SLC39A11: variants seen among roughly 807,000 people sequenced by gnomAD.
The protein encoded by SLC39A11 is solute carrier family 39 member 11.
Under a neutral mutation model 36.1 loss-of-function variants are expected in SLC39A11, and 33 were observed. The observed-to-expected ratio is 0.91, with a 90% confidence interval of 0.69 to 1.22. The LOEUF (loss-of-function observed/expected upper bound fraction) is 1.22. SLC39A11 is among the 50% of genes most tolerant of loss of function. The probability of loss-of-function intolerance (pLI) is 0.00; values close to 1 mark genes in which losing one functional copy is unlikely to be tolerated. For missense variants in SLC39A11, 432 were observed against 430.3 expected (o/e 1.00, Z -0.03); for synonymous variants, 166 against 170.3 (o/e 0.97, Z 0.20).
At chr17:72,929,511 C>A (rs2084255998) in intron 5 of SLC39A11, among the ~76,000 whole-genome samples, 1 of 152,010 alleles carries the variant, frequency 6.6e-6, no homozygotes, top group Non-Finnish European at 1.5e-5. Flanking sequence ...AGTGAGCAGC[C>A]ACTTCACGGA....
At chr17:73,029,123 C>CA (rs915942021) in intron 4 of SLC39A11, among the ~76,000 whole-genome samples, 2 of 148,892 alleles carry the variant, frequency 1.3e-5, no homozygotes, top group Admixed American at 6.7e-5. Context: ...GTCACACACA[C>CA]ACAAAAAAAA....
intron 7 of SLC39A11, among the ~76,000 whole-genome samples, chr17:72,667,287 T>C (rs1306750011): frequency 1.3e-5 from 2 of 152,154 alleles, no homozygotes; most frequent in African/African-American, 4.8e-5. Flanking sequence ...GAGGTGAGAC[T>C]CCTGCTGTTA....
At chr17:72,739,201 C>T (rs1249975296) in intron 6 of SLC39A11, among the ~76,000 whole-genome samples, 1 of 151,490 alleles carries the variant, frequency 6.6e-6, no homozygotes, top group African/African-American at 2.4e-5. Flanking sequence ...GATCTCGGCT[C>T]ACTGCAACCC....
At chr17:72,820,258 T>C (rs146554191) in intron 6 of SLC39A11, among the ~76,000 whole-genome samples, 88 of 151,406 alleles carry the variant, frequency 5.8e-4, no homozygotes, top group African/African-American at 2.0e-3. Context: ...CCCCTCTGGA[T>C]GTTGAAACTG....
At chr17:72,762,349 A>G (rs2075616210) in intron 6 of SLC39A11, among the ~76,000 whole-genome samples, 1 of 152,236 alleles carries the variant, frequency 6.6e-6, no homozygotes, top group African/African-American at 2.4e-5. Context: ...ATTATAATGC[A>G]TTAGCATGCT....
At chr17:72,705,321 T>C (rs570745591) in intron 7 of SLC39A11, among the ~76,000 whole-genome samples, 1 of 152,236 alleles carries the variant, frequency 6.6e-6, no homozygotes, top group Admixed American at 6.5e-5. Flanking sequence ...TAAAGGAGAA[T>C]GTAAACTTTT....
chr17:72,903,934 G>A (rs770173051), intron 5 of SLC39A11, among the ~76,000 whole-genome samples: 11 of 152,172 alleles, frequency 7.2e-5, no homozygotes, highest in Non-Finnish European at 1.6e-4. Flanking sequence ...AGGAAAAAAA[G>A]TCTGCACCCT....
chr17:73,053,237 T>C (rs1568195650), intron 3 of SLC39A11, among the ~76,000 whole-genome samples: 2 of 108,082 alleles, frequency 1.9e-5, no homozygotes, highest in East Asian at 5.4e-4. Flanking sequence ...GCCCATTTGA[T>C]TTTCTTTTTT....
Position 72,966,790 on chromosome 17 carries a change from T to C in SLC39A11, c.307-18915A>G, listed in dbSNP as rs560553015. ...TTCCCCATGTTAGCCAGGATGGTCT[T>C]GATCTCCTGACCTCGTGATCCGCCC... On this transcript the variant is annotated intron_variant, in intron 4 of 9. Coordinates refer to ENST00000255559, the MANE Select transcript of SLC39A11 (RefSeq NM_139177.4). Among the ~76,000 whole-genome samples, 5 of 152,164 alleles carry C rather than the reference T, an allele frequency of 3.3e-5. No individual in the cohort carries two copies. In the South Asian group the frequency reaches 8.3e-4, roughly 25 times the overall value.
At chr17:72,697,119 G>A (rs763972497) in intron 7 of SLC39A11, among the ~76,000 whole-genome samples, 9 of 151,978 alleles carry the variant, frequency 5.9e-5, no homozygotes, top group Admixed American at 2.0e-4. Flanking sequence ...GATCTCACTC[G>A]TCCCCCAGGC....
intron 6 of SLC39A11, among the ~76,000 whole-genome samples, chr17:72,737,620 C>T (rs1272465441): frequency 6.6e-6 from 1 of 152,106 alleles, no homozygotes; most frequent in Non-Finnish European, 1.5e-5. Flanking sequence ...ATTAGGTCCT[C>T]ATAGTTGCAA....
chr17:73,023,241 A>C (rs2058416287), intron 4 of SLC39A11, among the ~76,000 whole-genome samples: 1 of 150,830 alleles, frequency 6.6e-6, no homozygotes, highest in African/African-American at 2.4e-5. Context: ...AAAAAAAAAG[A>C]TGTTACCCTG....
At chr17:72,992,458 C>G (rs914447617) in intron 4 of SLC39A11, among the ~76,000 whole-genome samples, 1 of 152,210 alleles carries the variant, frequency 6.6e-6, no homozygotes, top group African/African-American at 2.4e-5. Flanking sequence ...CTTTAGGGCT[C>G]CTTCCTCATA....
At chr17:73,026,780 C>A (rs900304710) in intron 4 of SLC39A11, among the ~76,000 whole-genome samples, 1 of 151,988 alleles carries the variant, frequency 6.6e-6, no homozygotes, top group Non-Finnish European at 1.5e-5. Context: ...CTCCTCCCCA[C>A]CCTACCCATC....
At chr17:72,733,842 GA>G (rs139352960) in intron 7 of SLC39A11, among the ~76,000 whole-genome samples, 4,694 of 152,282 alleles carry the variant, frequency 0.031, 93 homozygotes, top group Middle Eastern at 0.088. Flanking sequence ...CTTGGTGTAT[GA>G]ACCCCATAGC....
chr17:72,658,152 A>G (rs1262118598), intron 7 of SLC39A11, among the ~76,000 whole-genome samples: 1 of 152,198 alleles, frequency 6.6e-6, no homozygotes, highest in East Asian at 1.9e-4. Context: ...CCTGAGCACA[A>G]ATAATGAATC....
At chr17:72,884,281 G>A (rs1378958227) in intron 5 of SLC39A11, among the ~76,000 whole-genome samples, 1 of 152,254 alleles carries the variant, frequency 6.6e-6, no homozygotes, top group Non-Finnish European at 1.5e-5. Flanking sequence ...GGCCATGTTG[G>A]TCTTTGTACT....
intron 5 of SLC39A11, 117 bp downstream of exon 5, chr17:72,947,635 A>T (rs1160132179): frequency 6.9e-7 from 1 of 1,448,776 alleles, no homozygotes; most frequent in Admixed American, 1.7e-5. Flanking sequence ...TCGGAGGGAT[A>T]GGACAGTGCT....
intron 5 of SLC39A11, among the ~76,000 whole-genome samples, chr17:72,914,013 G>GAA (rs752459010): frequency 5.4e-5 from 8 of 148,318 alleles, no homozygotes; most frequent in East Asian, 4.0e-4. Context: ...ATAATTGAAA[G>GAA]AAAAAAAAAG....
Sources: allele counts gnomAD v4.1 joint callset (sites outside exome capture counted in the v4.1 genomes callset), GRCh38; gene constraint gnomAD v4.1.1; transcripts MANE v1.5; gene names NCBI Gene and HGNC (gene_info 2026-07-23, HGNC 2026-07-21).